LCT: variants seen among roughly 807,000 people sequenced by gnomAD.
LCT encodes the protein lactase.
LCT carries 90 observed loss-of-function variants against 173.0 expected under a neutral mutation model. The observed-to-expected ratio is 0.52, with a 90% CI of 0.44 to 0.62. LCT has a LOEUF of 0.62. LCT is among the 20% of genes least tolerant of loss of function. The pLI is 0.00. For missense variants in LCT, 1,864 were observed against 2,431.4 expected, an observed-to-expected ratio of 0.77 and a Z score of 4.91; for synonymous variants, 853 against 957.6, an observed-to-expected ratio of 0.89 and a Z score of 2.02.
In LCT at chr2:135,823,790, T is replaced by C. The variant is rs2077858199; in HGVS notation, c.907+111A>G. 1.0e-5 allele frequency: 8 copies of C among 766,210 alleles called. No individual in the cohort carries two copies. In the Admixed American group the frequency reaches 1.2e-4, roughly 11 times the overall value. The allele number at this position is 766,210 out of a possible 1,614,324, so 47.5% of individuals were successfully genotyped here. A position where few individuals can be genotyped will look rare whatever the true frequency, so the allele number is the denominator to read the frequency against. ...AGTCTGGGGTGGGCTTTTATACTAG[T>C]CTTCCTCCCATGCTCCTCCTCCCAT... is the stretch of plus-strand genomic sequence containing the variant. On this transcript the variant is annotated intron_variant, in intron 4 of 16. Transcript: ENST00000264162.
intron 8 of LCT, 42 bp downstream of exon 8, chr2:135,808,401 A>C: frequency 4.9e-6 from 7 of 1,430,528 alleles, no homozygotes; most frequent in Non-Finnish European, 6.9e-6. Flanking sequence ...GACCCAGGGA[A>C]TGTTGGAAGA....
In LCT at chr2:135,809,948, G is replaced by A; in HGVS notation, c.2399C>T (p.Ser800Phe). The A allele has an allele frequency of 6.2e-7, 1 of 1,614,084 alleles. No homozygotes were observed. Among genetic ancestry groups the A allele is most frequent in the Non-Finnish European group, 8.5e-7 (1 of 1,179,952 alleles). ...AGGGCCTTCGAAGCCATCAATGAGG[G>A]AACGAGCAATGTAGGAACGAACATC... ...SVDVRSYIAR[S>F]LIDGFEGPSG... The change falls in exon 8 of 17, where the codon TCC (serine) becomes TTC (phenylalanine). Residue 800 changes from serine (S) to phenylalanine (F), a missense_variant. Physicochemically the swap from Ser to Phe is radical, Grantham distance 155. Around this residue, in one of 4 missense-constraint regions of LCT, gnomAD observed 755 missense variants for 926.3 expected, o/e 0.82. Transcript: ENST00000264162. This position sits in a 1 kb window ranked among gnomAD's most constrained non-coding sequence, Gnocchi z 5.5.
At chr2:135,829,049 G>T (rs2105553952) in intron 3 of LCT, among the ~76,000 whole-genome samples, 1 of 152,198 alleles carries the variant, frequency 6.6e-6, no homozygotes, top group East Asian at 1.9e-4. Context: ...AAATTAGCCA[G>T]GCGTGTTTGT....
chr2:135,793,572 G>A (rs979745664), intron 14 of LCT, among the ~76,000 whole-genome samples: 1 of 152,112 alleles, frequency 6.6e-6, no homozygotes, highest in African/African-American at 2.4e-5. Context: ...GGTTCTATAA[G>A]ACCCCCAAAA....
intron 3 of LCT, among the ~76,000 whole-genome samples, chr2:135,825,946 T>C (rs190965876): frequency 8.8e-4 from 134 of 152,314 alleles, no homozygotes; most frequent in African/African-American, 3.0e-3. Context: ...TCAGCCCCTG[T>C]TCTCAGGGCA....
At chr2:135,803,610 T>A (rs186052215) in intron 11 of LCT, among the ~76,000 whole-genome samples, 1 of 152,198 alleles carries the variant, frequency 6.6e-6, no homozygotes, top group Non-Finnish European at 1.5e-5. Context: ...ATTGTGGAAA[T>A]AGACTGTAGA....
At chr2:135,795,915 C>A (rs746662015) in intron 13 of LCT, among the ~76,000 whole-genome samples, 1 of 151,978 alleles carries the variant, frequency 6.6e-6, no homozygotes, top group Non-Finnish European at 1.5e-5. Flanking sequence ...TGTGCGTCAC[C>A]ATGCCTAGAT....
chr2:135,788,241 T>C lies in LCT; in HGVS notation c.*83A>G. 1 of 976,286 alleles carries C rather than the reference T, an allele frequency of 1.0e-6. No homozygotes were observed. Among genetic ancestry groups the C allele is most frequent in the Non-Finnish European group, 1.6e-6 (1 of 610,826 alleles). 60.5% of individuals were successfully genotyped at this position (976,286 alleles called of 1,614,324 possible). A position where few individuals can be genotyped will look rare whatever the true frequency, so the allele number is the denominator to read the frequency against. On this transcript the variant is annotated 3_prime_UTR_variant, in exon 17 of 17. Transcript: ENST00000264162. ...ATGGAGAAGTCCAGTATCAGCAGAG[T>C]CTAAGACCCTAAGGTGTTTGGTGGC...
chr2:135,832,381 C>CT (rs2105557143), intron 2 of LCT, among the ~76,000 whole-genome samples: 1 of 151,666 alleles, frequency 6.6e-6, no homozygotes, highest in South Asian at 2.1e-4. Context: ...GATCATGCCA[C>CT]TGCACTCTGG....
intron 1 of LCT, among the ~76,000 whole-genome samples, chr2:135,834,767 A>G (rs1335887324): frequency 2.3e-5 from 3 of 132,274 alleles, no homozygotes; most frequent in Non-Finnish European, 4.7e-5. Flanking sequence ...CAGCCTGGAC[A>G]AAAGAGTGAG....
Position 135,836,984 on chromosome 2 carries a change from A to T in LCT, c.186T>A (p.Tyr62Ter). ...SNFVAGDKDM[Y>*]VCHQPLPTFL... ...AAGTGGGCAGTGGCTGGTGACAAAC[A>T]TACATGTCTTTGTCCCCTGCTACAA... The change falls in exon 1 of 17, where the codon TAT becomes TAA. Residue 62 changes from tyrosine (Y) to a stop codon, truncating the protein, a stop_gained. Transcript: ENST00000264162. LOFTEE classifies it high-confidence loss of function. 1 of 1,614,150 alleles carries T rather than the reference A, an allele frequency of 6.2e-7. No individual in the cohort carries two copies. Among genetic ancestry groups the T allele is most frequent in the Admixed American group, 1.7e-5 (1 of 60,028 alleles).
In LCT at chr2:135,836,859, T is replaced by C. The variant is rs1354031909; in HGVS notation, c.311A>G (p.Asn104Ser). 1 of 1,614,142 alleles carries C rather than the reference T, an allele frequency of 6.2e-7. No homozygotes were observed. The highest frequency in any genetic ancestry group is 1.1e-5 in the South Asian group (1 of 91,084). The change falls in exon 1 of 17, where the codon AAT (asparagine) becomes AGT (serine). Residue 104 changes from asparagine (N) to serine (S), a missense_variant. Asn to Ser is a conservative substitution (Grantham distance 46, BLOSUM62 1). Around this residue, in one of 4 missense-constraint regions of LCT, gnomAD observed 412 missense variants for 462.0 expected, o/e 0.89. Coordinates refer to ENST00000264162, the MANE Select transcript of LCT (RefSeq NM_002299.4). ...AQLLPAGSTQ[N>S]PDEKTVQCYR... Reference sequence around the variant, plus strand: ...GCACTGCACTGTTTTCTCGTCTGGATTCTGGGTGCTTCCTGCTGGGAGGAG... The same window carrying C: ...GCACTGCACTGTTTTCTCGTCTGGACTCTGGGTGCTTCCTGCTGGGAGGAG...
rs577040369 is a variant in LCT at position 135,803,743 on chromosome 2, T to C, written c.4663+187A>G. On this transcript the variant is annotated intron_variant, in intron 11 of 16. Transcript: ENST00000264162. ...AAAGAAATGAACCCACCTTGAGGAATTGAGATGTGAAATTCATGTTTAACA... is the reference window on the plus strand; with the variant it reads ...AAAGAAATGAACCCACCTTGAGGAACTGAGATGTGAAATTCATGTTTAACA... 5.9e-5 allele frequency among the ~76,000 whole-genome samples: 9 copies of C among 152,314 alleles called. No individual in the cohort carries two copies. The South Asian group carries it at 6.2e-4, about 11-fold the overall frequency.
In LCT at chr2:135,837,095, A is replaced by G. The variant is rs748852968; in HGVS notation, c.75T>C (p.Asp25=). 5.0e-5 allele frequency: 81 copies of G among 1,613,810 alleles called. 1 individual carries two copies. In the South Asian group the frequency reaches 8.8e-4, roughly 18 times the overall value. Residue 25 remains aspartate, a synonymous_variant, in exon 1 of 17, where the codon GAT becomes GAC. Coordinates refer to ENST00000264162, the MANE Select transcript of LCT (RefSeq NM_002299.4). ...GACCAGCGGTGGAAATGAAATTTCT[A>G]TCAGACTCCCAGTCTGACCCCCAGC... The part of the protein sequence containing the change: ...FSCWGSDWES[D]RNFISTAGPL...
intron 1 of LCT, among the ~76,000 whole-genome samples, chr2:135,834,398 G>GA: frequency 6.6e-6 from 1 of 150,496 alleles, no homozygotes; most frequent in East Asian, 2.0e-4. Context: ...TGTTAGCCAG[G>GA]ATGGTCTCGA....
At chr2:135,816,934 T>C (rs1040796068) in intron 6 of LCT, among the ~76,000 whole-genome samples, 1 of 151,646 alleles carries the variant, frequency 6.6e-6, no homozygotes, top group African/African-American at 2.4e-5. Flanking sequence ...AGTGGCAAAA[T>C]CTTGGCTCAC....
intron 3 of LCT, among the ~76,000 whole-genome samples, chr2:135,824,653 G>T (rs1243842782): frequency 6.6e-6 from 1 of 152,174 alleles, no homozygotes; most frequent in African/African-American, 2.4e-5. Context: ...AGATGGCTTC[G>T]TAGGGGTTCA....
intron 14 of LCT, among the ~76,000 whole-genome samples, 157 bp from the exon 15 acceptor site, chr2:135,791,038 C>A (rs1343325842): frequency 6.6e-6 from 1 of 152,230 alleles, no homozygotes; most frequent in East Asian, 1.9e-4. Flanking sequence ...GCCTCAAATT[C>A]TCCTCCTTTC....
chr2:135,827,258 T>C (rs2077896291), intron 3 of LCT, among the ~76,000 whole-genome samples: 2 of 152,196 alleles, frequency 1.3e-5, no homozygotes, highest in Admixed American at 1.3e-4. Flanking sequence ...GGATTACAGA[T>C]GTGAGACTTA....
Sources: allele counts gnomAD v4.1 joint callset (sites outside exome capture counted in the v4.1 genomes callset), GRCh38; gene constraint gnomAD v4.1.1; regional missense constraint gnomAD v4.1.1; non-coding constraint Gnocchi (gnomAD v3.1); transcripts MANE v1.5; gene names NCBI Gene and HGNC (gene_info 2026-07-23, HGNC 2026-07-21).